NRG3: variants seen among roughly 807,000 people sequenced by gnomAD.
The protein encoded by NRG3 is neuregulin 3.
NRG3 carries 31 observed loss-of-function variants against 66.9 expected under a neutral mutation model. That is an observed-to-expected ratio of 0.46 (90% CI 0.35 to 0.63). NRG3 has a LOEUF of 0.63. Ranked by LOEUF, NRG3 falls within the 20% of genes least tolerant of loss-of-function variation. The pLI, the probability that NRG3 is intolerant of heterozygous loss-of-function variation, is 0.00. For missense variants in NRG3, 910 were observed against 878.9 expected (o/e 1.04, Z -0.45); for synonymous variants, 393 against 359.4 (o/e 1.09, Z -1.06).
chr10:82,047,699 G>A (rs1314109791), intron 1 of NRG3, among the ~76,000 whole-genome samples: 3 of 150,626 alleles, frequency 2.0e-5, no homozygotes, highest in South Asian at 4.3e-4. Context: ...CAACTAATGA[G>A]CAAAACAACC....
At chr10:82,530,742 AT>A (rs1847168563) in intron 2 of NRG3, among the ~76,000 whole-genome samples, 1 of 152,046 alleles carries the variant, frequency 6.6e-6, no homozygotes, top group East Asian at 1.9e-4. Flanking sequence ...ACAACATTGA[AT>A]TTTAGAATTC....
intron 2 of NRG3, among the ~76,000 whole-genome samples, chr10:82,600,534 G>T (rs142676002): frequency 2.0e-5 from 3 of 152,088 alleles, no homozygotes; most frequent in African/African-American, 7.2e-5. Flanking sequence ...ACAATGGTGC[G>T]ATCTCAGCGC....
At chr10:82,615,777 A>C (rs1407582241) in intron 2 of NRG3, among the ~76,000 whole-genome samples, 1 of 152,150 alleles carries the variant, frequency 6.6e-6, no homozygotes, top group African/African-American at 2.4e-5. Flanking sequence ...GATCTAATAA[A>C]ATCTAGCCAT....
At chr10:82,109,961 A>G (rs2067289728) in intron 1 of NRG3, among the ~76,000 whole-genome samples, 1 of 152,128 alleles carries the variant, frequency 6.6e-6, no homozygotes, top group African/African-American at 2.4e-5. Context: ...TGATTCCTGA[A>G]TTTAACTAAT....
chr10:82,701,078 T>G (rs1314664251), intron 2 of NRG3, among the ~76,000 whole-genome samples: 1 of 151,954 alleles, frequency 6.6e-6, no homozygotes, highest in Non-Finnish European at 1.5e-5. Context: ...ATGAAGATAT[T>G]TTATAAAGTC....
At chr10:82,376,279 T>C (rs1409136334) in intron 2 of NRG3, among the ~76,000 whole-genome samples, 1 of 152,086 alleles carries the variant, frequency 6.6e-6, no homozygotes, top group Non-Finnish European at 1.5e-5. Flanking sequence ...AGCAAACAAA[T>C]TTGGATCTCT....
intron 2 of NRG3, among the ~76,000 whole-genome samples, chr10:82,464,048 C>G (rs2091644904): frequency 6.6e-6 from 1 of 152,168 alleles, no homozygotes; most frequent in Admixed American, 6.5e-5. Context: ...AGCTTTCAGT[C>G]TTTACACTCA....
intron 4 of NRG3, among the ~76,000 whole-genome samples, chr10:82,894,824 A>G (rs1207502311): frequency 3.9e-5 from 6 of 152,014 alleles, no homozygotes; most frequent in Non-Finnish European, 8.8e-5. Context: ...GGTTTGCTGC[A>G]CCCATCAACC....
At chr10:82,933,241 TTTA>T (rs934961279) in intron 4 of NRG3, among the ~76,000 whole-genome samples, 1 of 151,942 alleles carries the variant, frequency 6.6e-6, no homozygotes. Flanking sequence ...GTGGCTTTTA[TTTA>T]TTTATTTATT....
chr10:82,804,941 A>G (rs2061216909), intron 3 of NRG3, among the ~76,000 whole-genome samples: 1 of 152,228 alleles, frequency 6.6e-6, no homozygotes, highest in Non-Finnish European at 1.5e-5. Context: ...TTTCTGCTAT[A>G]AGAAATGTAC....
chr10:82,242,220 A>T (rs2077037292), intron 1 of NRG3, among the ~76,000 whole-genome samples: 1 of 152,152 alleles, frequency 6.6e-6, no homozygotes, highest in Admixed American at 6.5e-5. Context: ...TCAATCGTGG[A>T]TGCCCCCCAG....
intron 1 of NRG3, among the ~76,000 whole-genome samples, chr10:82,089,238 TA>T (rs1274569439): frequency 6.6e-6 from 1 of 151,654 alleles, no homozygotes; most frequent in African/African-American, 2.4e-5. Flanking sequence ...AATTAGCATT[TA>T]AAAAGACACA....
At chr10:82,559,605 G>A (rs990606190) in intron 2 of NRG3, among the ~76,000 whole-genome samples, 10 of 152,198 alleles carry the variant, frequency 6.6e-5, no homozygotes, top group Non-Finnish European at 1.0e-4. Flanking sequence ...AGGACAGCTT[G>A]TATGTTTCCT....
intron 1 of NRG3, among the ~76,000 whole-genome samples, chr10:82,047,940 G>T (rs1007608363): frequency 1.3e-5 from 2 of 151,946 alleles, no homozygotes; most frequent in Non-Finnish European, 2.9e-5. Flanking sequence ...AAAGGCAGGG[G>T]TTGCAATCCT....
At chr10:82,675,473 A>G (rs1276044227) in intron 2 of NRG3, among the ~76,000 whole-genome samples, 10 of 152,150 alleles carry the variant, frequency 6.6e-5, no homozygotes. Flanking sequence ...CAAAAGGCCA[A>G]TCTTAGGTTC....
intron 1 of NRG3, among the ~76,000 whole-genome samples, chr10:82,096,718 A>G (rs2066368327): frequency 6.6e-6 from 1 of 152,182 alleles, no homozygotes; most frequent in African/African-American, 2.4e-5. Context: ...AGACAGGCAT[A>G]TATAACCACA....
chr10:82,400,214 T>C (rs572448184), intron 2 of NRG3, among the ~76,000 whole-genome samples: 6 of 152,254 alleles, frequency 3.9e-5, no homozygotes, highest in African/African-American at 1.2e-4. Flanking sequence ...ATGTTAGTAA[T>C]AAAATCTGAA....
chr10:81,957,860 A>G (rs1221853450), intron 1 of NRG3, among the ~76,000 whole-genome samples: 1 of 152,232 alleles, frequency 6.6e-6, no homozygotes, highest in African/African-American at 2.4e-5. Flanking sequence ...AACTGCTAAG[A>G]CCTATAGCTT....
chr10:82,541,767 G>T (rs985249339), intron 2 of NRG3, among the ~76,000 whole-genome samples: 1 of 152,038 alleles, frequency 6.6e-6, no homozygotes, highest in East Asian at 1.9e-4. Context: ...GGTGGTCTCC[G>T]CCCTTAATCT....
Sources: allele counts gnomAD v4.1 joint callset (sites outside exome capture counted in the v4.1 genomes callset), GRCh38; gene constraint gnomAD v4.1.1; transcripts MANE v1.5; gene names NCBI Gene and HGNC (gene_info 2026-07-23, HGNC 2026-07-21).